The following RC3H2 variants were observed in gnomAD, a reference collection of about 807,000 sequenced individuals.
RC3H2 encodes the protein ring finger and CCCH-type domains 2.
Under a neutral mutation model 133.3 loss-of-function variants are expected in RC3H2, and 31 were observed. The observed-to-expected ratio is 0.23, with a 90% CI of 0.17 to 0.31. The LOEUF (loss-of-function observed/expected upper bound fraction) is 0.31. Among genes scored for constraint, RC3H2 ranks in the 10% least tolerant of loss-of-function variants. The probability of loss-of-function intolerance (pLI) is 1.00; values close to 1 mark genes in which losing one functional copy is unlikely to be tolerated. For missense variants in RC3H2, 1,175 were observed against 1,437.2 expected (o/e 0.82, Z 2.95); for synonymous variants, 517 against 502.2 (o/e 1.03, Z -0.40).
chr9:122,895,811 A>G lies in RC3H2; in HGVS notation c.231+1468T>C, dbSNP rs1288434577. On this transcript the variant is annotated intron_variant, in intron 2 of 20. Coordinates refer to ENST00000357244, the MANE Select transcript of RC3H2 (RefSeq NM_001100588.3). The stretch of plus-strand genomic sequence containing the variant: ...ATTTCATCTCTTCCTAACTTGTAAA[A>G]TGGGGATAATAACTACCTGAAAACC... 3.3e-5 allele frequency among the ~76,000 whole-genome samples: 5 copies of G among 152,240 alleles called. No homozygotes were observed. The East Asian group carries it at 9.6e-4, about 29-fold the overall frequency.
intron 9 of RC3H2, among the ~76,000 whole-genome samples, chr9:122,870,408 AC>A (rs1554770770): frequency 1.4e-3 from 85 of 60,022 alleles, no homozygotes; most frequent in African/African-American, 3.3e-3. Context: ...AAACAAACAA[AC>A]AAACAAAAAA....
At chr9:122,868,543 G>C (rs1361606238) in intron 9 of RC3H2, among the ~76,000 whole-genome samples, 1 of 151,828 alleles carries the variant, frequency 6.6e-6, no homozygotes, top group African/African-American at 2.4e-5. Context: ...CTTGAAGGCA[G>C]CATGCTCGTT....
In RC3H2 at chr9:122,859,252, C is replaced by CTT. The variant is rs10608695; in HGVS notation, c.1850-152_1850-151dup. 2.6e-4 allele frequency: 50 copies of CTT among 190,804 alleles called. 1 individual carries two copies. The highest frequency in any genetic ancestry group is 1.4e-3 in the Middle Eastern group (1 of 722). The allele number at this position is 190,804 out of a possible 1,614,324, so 11.8% of individuals were successfully genotyped here. A position where few individuals can be genotyped will look rare whatever the true frequency, so the allele number is the denominator to read the frequency against. Reference sequence around the variant, plus strand: ...TGCTTTATAAAGCTTTATACCCTGGCTTTTTTTTTTTTTTTTTTTTTTGGT... The same window carrying CTT: ...TGCTTTATAAAGCTTTATACCCTGGCTTTTTTTTTTTTTTTTTTTTTTTTGGT... On this transcript the variant is annotated intron_variant, in intron 11 of 20. Coordinates refer to ENST00000357244, the MANE Select transcript of RC3H2 (RefSeq NM_001100588.3).
chr9:122,850,398 T>C (rs998440985), intron 20 of RC3H2, among the ~76,000 whole-genome samples: 12 of 149,820 alleles, frequency 8.0e-5, no homozygotes, highest in Non-Finnish European at 1.2e-4. Context: ...GGCAGTATTA[T>C]AGCCAAGAAA....
chr9:122,859,214 C>T, intron 11 of RC3H2, 112 bp from the exon 12 acceptor site: 1 of 772,456 alleles, frequency 1.3e-6, no homozygotes, highest in Admixed American at 3.4e-5. Context: ...AAGCTTTGAA[C>T]CTTACCTTAC....
Position 122,890,415 on chromosome 9 carries a change from T to C in RC3H2, c.480A>G (p.Glu160=). The C allele has an allele frequency of 6.2e-7, 1 of 1,614,160 alleles. No individual in the cohort carries two copies. The highest frequency in any genetic ancestry group is 8.5e-7 in the Non-Finnish European group (1 of 1,180,028). ...RAMRAARSLG[E]RTVTELILQH... ...GTAATATCAGTTCTGTTACAGTTCT[T>C]TCTCCAAGGGAACGAGCTGCTCGCA... is the stretch of plus-strand genomic sequence containing the variant. The change falls in exon 4 of 21, where the codon GAA becomes GAG. Residue 160 remains glutamate, a synonymous_variant. Coordinates refer to ENST00000357244, the MANE Select transcript of RC3H2 (RefSeq NM_001100588.3).
intron 1 of RC3H2, among the ~76,000 whole-genome samples, chr9:122,900,174 A>G (rs1451084508): frequency 6.6e-6 from 1 of 152,192 alleles, no homozygotes; most frequent in Non-Finnish European, 1.5e-5. Context: ...AGAGGTTTTA[A>G]CATAATTAAT....
At chr9:122,897,209 A>G in intron 2 of RC3H2, 70 bp downstream of exon 2, 1 of 1,395,106 alleles carries the variant, frequency 7.2e-7, no homozygotes, top group Non-Finnish European at 1.0e-6. Flanking sequence ...AGGCTGGACA[A>G]GCCGTTAAAA....
chr9:122,852,571 G>A (rs1038696886), intron 18 of RC3H2, among the ~76,000 whole-genome samples: 4 of 150,798 alleles, frequency 2.7e-5, no homozygotes, highest in Middle Eastern at 3.2e-3. Context: ...CGCCCCGTCC[G>A]GGAGGGAGGT....
chr9:122,894,174 C>T (rs1429603892), intron 2 of RC3H2, among the ~76,000 whole-genome samples: 1 of 151,752 alleles, frequency 6.6e-6, no homozygotes, highest in South Asian at 2.1e-4. Context: ...CAGGAGAATG[C>T]CGTGAACCTG....
At chr9:122,888,619 C>T (rs1238346717) in intron 4 of RC3H2, among the ~76,000 whole-genome samples, 2 of 152,176 alleles carry the variant, frequency 1.3e-5, no homozygotes, top group Non-Finnish European at 2.9e-5. Flanking sequence ...AACTTACCAA[C>T]GTATCTGGAG....
chr9:122,854,189 T>A lies in RC3H2; in HGVS notation c.2978A>T (p.Gln993Leu), dbSNP rs753079445. 7.4e-6 allele frequency: 12 copies of A among 1,613,832 alleles called. No individual in the cohort carries two copies. Among genetic ancestry groups the A allele is most frequent in the Middle Eastern group, 3.3e-4 (2 of 6,062 alleles). Residue 993 changes from glutamine to leucine, a missense_variant, in exon 17 of 21, where the codon CAG becomes CTG. Transcript: ENST00000357244. ...TAGCTGAGTTACAGAGCCTACCTGC[T>A]GAAGTTCAAGGCTCAAAAGGTCCCC... ...STGDLLSLEL[Q>L]QAKSNSLLLQ... is the part of the protein sequence containing the mutation.
intron 14 of RC3H2, 74 bp from the exon 15 acceptor site, chr9:122,855,471 G>T: frequency 7.2e-7 from 1 of 1,379,466 alleles, no homozygotes; most frequent in Non-Finnish European, 1.0e-6. Context: ...GCTATCAAAA[G>T]ACATGTAATT....
intron 9 of RC3H2, among the ~76,000 whole-genome samples, chr9:122,866,613 G>A (rs1830683254): frequency 6.6e-6 from 1 of 152,106 alleles, no homozygotes; most frequent in South Asian, 2.1e-4. Flanking sequence ...CACTGTGTTG[G>A]CTGGGCTGGT....
At chr9:122,888,318 T>C (rs193045190) in intron 4 of RC3H2, among the ~76,000 whole-genome samples, 383 of 152,320 alleles carry the variant, frequency 2.5e-3, no homozygotes, top group African/African-American at 8.8e-3. Context: ...TTAGGTATTA[T>C]TTTGATCATT....
chr9:122,860,033 T>A lies in RC3H2; in HGVS notation c.1733A>T (p.Lys578Ile), dbSNP rs768692756. Reference protein sequence around the residue: ...VGTELNSVPQKSSPFLTRVPV... With the variant: ...VGTELNSVPQISSPFLTRVPV... ...TACTCTAGTTAGAAATGGGCTGGAT[T>A]TTTGAGGCACAGAATTCAGCTCTGT... is the stretch of plus-strand genomic sequence containing the variant. Residue 578 changes from lysine to isoleucine, a missense_variant, in exon 11 of 21, where the codon AAA (lysine) becomes ATA (isoleucine). Physicochemically the swap from Lys to Ile is moderately radical, Grantham distance 102. Transcript: ENST00000357244. 134 of 1,613,996 alleles carry A rather than the reference T, an allele frequency of 8.3e-5. No homozygotes were observed. The highest frequency in any genetic ancestry group is 1.1e-4 in the Non-Finnish European group (130 of 1,180,016).
At position 122,905,299 on chromosome 9, in the gene RC3H2, TCCC is replaced by T. The variant is rs1832803536; in HGVS notation, c.-260_-258del. ...AGGCCGCGACGGGGCCTCCTCCTCC[TCCC>T]TCCACCTCCGCCTCCTCCTCCTCCT... On this transcript the variant is annotated 5_prime_UTR_variant, in exon 1 of 21. Transcript: ENST00000357244. 1.0e-6 allele frequency: 1 copy of T among 974,654 alleles called. No individual in the cohort carries two copies. The highest frequency in any genetic ancestry group is 4.7e-5 in the South Asian group (1 of 21,246). The allele number at this position is 974,654 out of a possible 1,614,324, so 60.4% of individuals were successfully genotyped here.
intron 18 of RC3H2, 198 bp downstream of exon 18, chr9:122,853,754 C>T: frequency 7.1e-7 from 1 of 1,403,494 alleles, no homozygotes. Context: ...CTCAAAAAAA[C>T]AAAAATCCCG....
At chr9:122,872,911 T>C (rs1831161343) in intron 9 of RC3H2, among the ~76,000 whole-genome samples, 1 of 152,236 alleles carries the variant, frequency 6.6e-6, no homozygotes, top group South Asian at 2.1e-4. Context: ...GGTTGATCCC[T>C]CGCTTTTGAC....
Sources: allele counts gnomAD v4.1 joint callset (sites outside exome capture counted in the v4.1 genomes callset), GRCh38; gene constraint gnomAD v4.1.1; transcripts MANE v1.5; gene names NCBI Gene and HGNC (gene_info 2026-07-23, HGNC 2026-07-21).